AIG1: variants seen among roughly 807,000 people sequenced by gnomAD.
The protein encoded by AIG1 is androgen-induced gene 1 protein.
In AIG1, 23 loss-of-function variants were observed where a neutral mutation model predicts 31.4. The observed-to-expected ratio is 0.73, with a 90% CI of 0.53 to 1.04. The LOEUF (loss-of-function observed/expected upper bound fraction) is 1.04. Among genes scored for constraint, AIG1 ranks in the 50% least tolerant of loss-of-function variants. AIG1 has a pLI of 0.00. For synonymous variants in AIG1, 100 were observed against 110.5 expected (o/e 0.90, Z 0.60); for missense variants, 274 against 295.0 (o/e 0.93, Z 0.52).
intron 5 of AIG1, 24 bp from the exon 6 acceptor site, chr6:143,339,615 A>G (rs1015121763): frequency 6.2e-7 from 1 of 1,611,180 alleles, no homozygotes; most frequent in African/African-American, 1.3e-5. Flanking sequence ...ATGCTCAAAT[A>G]AAACACTTTG....
intron 3 of AIG1, among the ~76,000 whole-genome samples, chr6:143,283,207 A>G (rs1337346788): frequency 2.0e-5 from 3 of 152,222 alleles, no homozygotes; most frequent in East Asian, 1.9e-4. Flanking sequence ...TTACCTATAG[A>G]TGGGATAAAT....
chr6:143,192,690 T>G (rs1789899255), intron 3 of AIG1, among the ~76,000 whole-genome samples: 1 of 152,148 alleles, frequency 6.6e-6, no homozygotes, highest in Non-Finnish European at 1.5e-5. Context: ...TCACTATTTA[T>G]GCTAGCAGGC....
chr6:143,185,211 T>A (rs1490367502), intron 3 of AIG1, among the ~76,000 whole-genome samples: 14 of 128,886 alleles, frequency 1.1e-4, no homozygotes, highest in Non-Finnish European at 2.2e-4. Context: ...AAAAAAAAAA[T>A]TCAATCTCAT....
At chr6:143,135,514 C>G (rs1268678913) in intron 1 of AIG1, among the ~76,000 whole-genome samples, 2 of 152,078 alleles carry the variant, frequency 1.3e-5, no homozygotes, top group African/African-American at 4.8e-5. Context: ...TTCTTTTACT[C>G]TGGCTTTTCT....
Position 143,331,849 on chromosome 6 carries a change from A to ATTATTATTT in AIG1, c.516-1425_516-1424insTTTATTATT, listed in dbSNP as rs1777106101. Among the ~76,000 whole-genome samples the ATTATTATTT allele has an allele frequency of 1.3e-5, 1 of 77,718 alleles. No homozygotes were observed. The highest frequency in any genetic ancestry group is 5.0e-5 in the African/African-American group (1 of 19,984). The allele number at this position is 77,718 out of a possible 152,430, so 51.0% of individuals were successfully genotyped here. ...TGAGGTACATGTGTAGGTAATGTTT[A>ATTATTATTT]TTATTATTATTATTATTATTATTAT... On this transcript the variant is annotated intron_variant, in intron 4 of 5. Coordinates refer to ENST00000357847, the MANE Select transcript of AIG1 (RefSeq NM_016108.4). The surrounding 1 kb of genome is among the most constrained non-coding windows in gnomAD (Gnocchi z 4.1).
chr6:143,317,117 C>CA (rs1775817797), intron 4 of AIG1, among the ~76,000 whole-genome samples: 1 of 151,910 alleles, frequency 6.6e-6, no homozygotes, highest in Non-Finnish European at 1.5e-5. Context: ...TGACACTATT[C>CA]AAAAAAGTAG....
Position 143,284,280 on chromosome 6 carries a change from T to C in AIG1, c.515+55T>C. ...TTGTATTAGATTTTGCACTGCTAAA[T>C]TTGGGCACATATTTCATTATGGATA... On this transcript the variant is annotated intron_variant, in intron 4 of 5. Coordinates refer to ENST00000357847, the MANE Select transcript of AIG1 (RefSeq NM_016108.4). This position sits in a 1 kb window ranked among gnomAD's most constrained non-coding sequence, Gnocchi z 4.4. 1 of 1,292,152 alleles carries C rather than the reference T, an allele frequency of 7.7e-7. No homozygotes were observed. The highest frequency in any genetic ancestry group is 1.2e-5 in the South Asian group (1 of 80,082). The allele number at this position is 1,292,152 out of a possible 1,614,324, so 80.0% of individuals were successfully genotyped here.
downstream of AIG1, chr6:143,343,102 G>C (rs1297422579): frequency 2.6e-6 from 2 of 771,506 alleles, no homozygotes; most frequent in African/African-American, 3.4e-5. Flanking sequence ...CCTCGCAGCT[G>C]TCCGCACTAA....
chr6:143,269,135 A>G lies in AIG1; in HGVS notation c.400-14975A>G, dbSNP rs532699937. 1.5e-3 allele frequency among the ~76,000 whole-genome samples: 231 copies of G among 152,350 alleles called. 2 individuals carry two copies. The highest frequency in any genetic ancestry group is 5.0e-3 in the African/African-American group (208 of 41,582). The stretch of plus-strand genomic sequence containing the variant: ...CTTTCCCTGGACAGGTGTTGGTCCT[A>G]GAACACTTCCCTAATAAACTTCTGC... On this transcript the variant is annotated intron_variant, in intron 3 of 5. Coordinates refer to ENST00000357847, the MANE Select transcript of AIG1 (RefSeq NM_016108.4).
chr6:143,308,842 A>G (rs970580281), intron 4 of AIG1, among the ~76,000 whole-genome samples: 3 of 152,208 alleles, frequency 2.0e-5, no homozygotes, highest in African/African-American at 2.4e-5. Context: ...AAATTTCCAC[A>G]AAGCATTGTA....
chr6:143,086,166 T>C (rs1404871034), intron 1 of AIG1, among the ~76,000 whole-genome samples: 1 of 152,186 alleles, frequency 6.6e-6, no homozygotes. Flanking sequence ...GGATTTTTGA[T>C]AGGAAGGCTA....
chr6:143,194,843 G>C (rs552907661), intron 3 of AIG1, among the ~76,000 whole-genome samples: 1 of 152,272 alleles, frequency 6.6e-6, no homozygotes, highest in African/African-American at 2.4e-5. Context: ...CAGCTCTCTA[G>C]ACCAGAACCA....
At chr6:143,339,369 AG>A in intron 5 of AIG1, 2 of 260,720 alleles carry the variant, frequency 7.7e-6, no homozygotes, top group East Asian at 1.5e-4. Flanking sequence ...CTTGTCTCCC[AG>A]AGGCCATAGG....
chr6:143,060,866 C>T, upstream of AIG1: 1 of 1,202,898 alleles, frequency 8.3e-7, no homozygotes, highest in Non-Finnish European at 1.0e-6. Context: ...CCCCGCGCGC[C>T]CGGCGCCTCC....
At chr6:143,081,836 T>G (rs1778283915) in intron 1 of AIG1, among the ~76,000 whole-genome samples, 1 of 152,168 alleles carries the variant, frequency 6.6e-6, no homozygotes, top group Non-Finnish European at 1.5e-5. Context: ...GTACTGGAGC[T>G]TGGTTTCCCA....
chr6:143,146,304 A>T (rs893047739), intron 2 of AIG1, among the ~76,000 whole-genome samples: 2 of 152,204 alleles, frequency 1.3e-5, no homozygotes, highest in African/African-American at 4.8e-5. Context: ...AAAAAGGTAG[A>T]ATTGATTTTC....
At chr6:143,112,768 C>G (rs1190697748) in intron 1 of AIG1, among the ~76,000 whole-genome samples, 1 of 152,142 alleles carries the variant, frequency 6.6e-6, no homozygotes, top group Non-Finnish European at 1.5e-5. Context: ...ACCCCATCAC[C>G]CATTTCACCA....
In AIG1 at chr6:143,279,659, T is replaced by G. The variant is rs1450533995; in HGVS notation, c.400-4451T>G. Among the ~76,000 whole-genome samples, 1 of 152,162 alleles carries G rather than the reference T, an allele frequency of 6.6e-6. No homozygotes were observed. Among genetic ancestry groups the G allele is most frequent in the East Asian group, 1.9e-4 (1 of 5,196 alleles). ...GAGGCTGGTCAGTTCACAGCCTCCATGGCAGTGGAGTCAGTTCACTCCGCT... is the reference window on the plus strand; with the variant it reads ...GAGGCTGGTCAGTTCACAGCCTCCAGGGCAGTGGAGTCAGTTCACTCCGCT... On this transcript the variant is annotated intron_variant, in intron 3 of 5. Transcript: ENST00000357847. The surrounding 1 kb of genome is among the most constrained non-coding windows in gnomAD (Gnocchi z 5.4).
intron 1 of AIG1, 51 bp downstream of exon 1, chr6:143,061,117 CGTGTGTGTGTGTGT>C (rs138059311): frequency 9.9e-6 from 14 of 1,410,352 alleles, no homozygotes; most frequent in East Asian, 5.1e-5. Context: ...CCTGTGTGTG[CGTGTGTGTGTGTGT>C]GTGTGTGTGT....
Sources: gnomAD v4.1 joint callset for allele counts (sites outside exome capture counted in the v4.1 genomes callset) on GRCh38, gnomAD v4.1.1 for gene constraint, Gnocchi (gnomAD v3.1) non-coding constraint, MANE v1.5 for transcripts, NCBI Gene and HGNC (gene_info 2026-07-23, HGNC 2026-07-21) for gene names.